STIM1: variants seen among roughly 807,000 people sequenced by gnomAD.
STIM1 encodes stromal interaction molecule 1.
STIM1 carries 25 observed loss-of-function variants against 74.7 expected under a neutral mutation model. The ratio of observed to expected loss-of-function variants is 0.33; its 90% CI spans 0.24 to 0.47. The LOEUF (loss-of-function observed/expected upper bound fraction) is 0.47, where lower values mean the gene tolerates loss of function less well. STIM1 is among the 20% of genes least tolerant of loss of function. The pLI is 1.00. For synonymous variants in STIM1, 328 were observed against 348.8 expected (o/e 0.94, Z 0.66); for missense variants, 728 against 920.8 (o/e 0.79, Z 2.71).
chr11:3,861,863 G>T (rs1398726696), intron 1 of STIM1, among the ~76,000 whole-genome samples: 2 of 152,160 alleles, frequency 1.3e-5, no homozygotes, highest in Non-Finnish European at 2.9e-5. Context: ...GTGGAGGGGA[G>T]TAGTTTCCTA....
rs765707086 is a variant in STIM1, at chr11:4,055,521, C to T, written c.386-5C>T. On this transcript the variant is annotated splice_region_variant and splice_polypyrimidine_tract_variant and intron_variant, in intron 3 of 12. Coordinates refer to ENST00000526596, the MANE Select transcript of STIM1 (RefSeq NM_001382567.1). Reference sequence around the variant, plus strand: ...AGTCATGGCTTTGCTTGTCTCTTTTCACAGTATACAATTGGACCGTGGATG... The same window carrying T: ...AGTCATGGCTTTGCTTGTCTCTTTTTACAGTATACAATTGGACCGTGGATG... 6.3e-7 allele frequency: 1 copy of T among 1,587,784 alleles called. No individual in the cohort carries two copies. The highest frequency in any genetic ancestry group is 1.3e-5 in the African/African-American group (1 of 74,738).
At chr11:3,991,974 A>AG (rs1554963547) in intron 2 of STIM1, among the ~76,000 whole-genome samples, 838 of 44,342 alleles carry the variant, frequency 0.019, 5 homozygotes, top group East Asian at 0.038. Flanking sequence ...AAAAAAAAAG[A>AG]AAAAAAAAAA....
At chr11:3,912,479 C>T (rs966097090) in intron 1 of STIM1, among the ~76,000 whole-genome samples, 2 of 151,682 alleles carry the variant, frequency 1.3e-5, no homozygotes, top group African/African-American at 4.8e-5. Context: ...ATTCTCCTAC[C>T]TCAGCCTCCC....
intron 2 of STIM1, among the ~76,000 whole-genome samples, chr11:4,013,677 G>A (rs1303406462): frequency 6.0e-5 from 8 of 133,854 alleles, no homozygotes; most frequent in Non-Finnish European, 1.1e-4. Flanking sequence ...CCAGCTCCTG[G>A]ATTCATTGAT....
intron 1 of STIM1, among the ~76,000 whole-genome samples, chr11:3,873,418 CAAAAAAAA>C (rs1159126517): frequency 3.5e-5 from 2 of 57,134 alleles, no homozygotes; most frequent in African/African-American, 1.2e-4. Context: ...AGCTCCATTT[CAAAAAAAA>C]AAAAAAAAAA....
chr11:3,869,056 C>T (rs1404444109), intron 1 of STIM1, among the ~76,000 whole-genome samples: 1 of 152,070 alleles, frequency 6.6e-6, no homozygotes, highest in Non-Finnish European at 1.5e-5. Context: ...GCAAGCCCTG[C>T]CTCCCGGGTT....
chr11:3,864,728 G>A (rs548829711), intron 1 of STIM1, among the ~76,000 whole-genome samples: 7 of 152,168 alleles, frequency 4.6e-5, no homozygotes, highest in Admixed American at 2.6e-4. Context: ...GGCAAGGACC[G>A]CTAGGGATCA....
At chr11:3,862,592 A>T (rs532977131) in intron 1 of STIM1, among the ~76,000 whole-genome samples, 1 of 152,270 alleles carries the variant, frequency 6.6e-6, no homozygotes, top group African/African-American at 2.4e-5. Context: ...AGTACTGCAT[A>T]TTGGCCATCA....
intron 2 of STIM1, chr11:3,989,344 G>T: frequency 1.2e-6 from 1 of 823,766 alleles, no homozygotes; most frequent in Non-Finnish European, 2.2e-6. Flanking sequence ...CTTTGCTGCT[G>T]CCTTTTTCGG....
intron 1 of STIM1, among the ~76,000 whole-genome samples, chr11:3,960,554 A>C (rs1399989579): frequency 1.3e-5 from 2 of 152,230 alleles, no homozygotes; most frequent in East Asian, 3.8e-4. Flanking sequence ...ATCCATTCAA[A>C]GTGTAAGATA....
At chr11:4,041,258 C>T (rs2094144823) in intron 3 of STIM1, among the ~76,000 whole-genome samples, 1 of 152,082 alleles carries the variant, frequency 6.6e-6, no homozygotes, top group Non-Finnish European at 1.5e-5. Context: ...CATTTGTTTC[C>T]TTGTATATTC....
intron 3 of STIM1, among the ~76,000 whole-genome samples, chr11:4,033,405 GCTA>G (rs2132939241): frequency 6.6e-6 from 1 of 152,192 alleles, no homozygotes; most frequent in South Asian, 2.1e-4. Context: ...TCTATGAAGT[GCTA>G]AACTCATTTA....
intron 1 of STIM1, among the ~76,000 whole-genome samples, chr11:3,916,920 G>A (rs1057267807): frequency 1.3e-5 from 2 of 152,190 alleles, no homozygotes; most frequent in Non-Finnish European, 2.9e-5. Context: ...AATCCCAATA[G>A]CTATGGAAAG....
chr11:3,890,017 T>C (rs2091847815), intron 1 of STIM1, among the ~76,000 whole-genome samples: 1 of 152,220 alleles, frequency 6.6e-6, no homozygotes, highest in Non-Finnish European at 1.5e-5. Context: ...TTTCCATACC[T>C]GTAGCTCCTC....
chr11:3,932,096 T>C (rs1010405706), intron 1 of STIM1, among the ~76,000 whole-genome samples: 2 of 152,186 alleles, frequency 1.3e-5, no homozygotes, highest in Non-Finnish European at 2.9e-5. Context: ...GTAAGGCAGA[T>C]ACCTTGTTCA....
At chr11:4,012,030 T>C (rs1194201663) in intron 2 of STIM1, among the ~76,000 whole-genome samples, 2 of 152,136 alleles carry the variant, frequency 1.3e-5, no homozygotes, top group Admixed American at 6.5e-5. Context: ...TATTAGATGG[T>C]TGTAGATGTG....
At chr11:3,982,421 A>G (rs2135805240) in intron 2 of STIM1, among the ~76,000 whole-genome samples, 1 of 152,354 alleles carries the variant, frequency 6.6e-6, no homozygotes, top group East Asian at 1.9e-4. Flanking sequence ...CAAAGATGAA[A>G]TGAAATCATG....
intron 1 of STIM1, among the ~76,000 whole-genome samples, chr11:3,881,039 A>G (rs1023055561): frequency 4.1e-4 from 62 of 152,020 alleles, no homozygotes; most frequent in Non-Finnish European, 7.9e-4. Context: ...GGATGGGAAA[A>G]CAGTGACTTT....
intron 2 of STIM1, among the ~76,000 whole-genome samples, chr11:3,986,687 G>C (rs1045175617): frequency 7.9e-5 from 12 of 152,090 alleles, no homozygotes; most frequent in African/African-American, 2.9e-4. Flanking sequence ...AACGAGTAAA[G>C]GCAGGAGGCA....
Sources: gnomAD v4.1 joint callset for allele counts (sites outside exome capture counted in the v4.1 genomes callset) on GRCh38, gnomAD v4.1.1 for gene constraint, MANE v1.5 for transcripts, NCBI Gene and HGNC (gene_info 2026-07-23, HGNC 2026-07-21) for gene names.